NXPH2: variants seen among roughly 807,000 people sequenced by gnomAD.
NXPH2 encodes the protein neurexophilin 2, also known as neurexophilin-2.
NXPH2 carries 5 observed loss-of-function variants against 19.8 expected under a neutral mutation model. The observed-to-expected ratio is 0.25, with a 90% CI of 0.13 to 0.53. The LOEUF (loss-of-function observed/expected upper bound fraction) is 0.53, where lower values mean the gene tolerates loss of function less well. Among genes scored for constraint, NXPH2 ranks in the 20% least tolerant of loss-of-function variants. NXPH2 has a pLI of 0.96. For synonymous variants in NXPH2, 154 were observed against 127.4 expected (o/e 1.21, Z -1.41); for missense variants, 289 against 322.8 (o/e 0.90, Z 0.80).
At chr2:138,758,428 G>A (rs1012100823) in intron 1 of NXPH2, among the ~76,000 whole-genome samples, 12 of 152,230 alleles carry the variant, frequency 7.9e-5, no homozygotes, top group African/African-American at 2.9e-4. Flanking sequence ...TTACAGGGAA[G>A]TAATTGAGCT....
intron 1 of NXPH2, among the ~76,000 whole-genome samples, chr2:138,769,855 T>C (rs1682148095): frequency 6.6e-6 from 1 of 152,078 alleles, no homozygotes; most frequent in African/African-American, 2.4e-5. Flanking sequence ...AGAAAGAAAA[T>C]GAAGGCACTC....
intron 1 of NXPH2, among the ~76,000 whole-genome samples, chr2:138,762,550 A>T (rs543188326): frequency 1.3e-5 from 2 of 152,312 alleles, no homozygotes; most frequent in Non-Finnish European, 2.9e-5. Context: ...TGCCTTCACC[A>T]TATCAATTCT....
At chr2:138,711,145 C>CTTT (rs397766605) in intron 1 of NXPH2, among the ~76,000 whole-genome samples, 16 of 91,066 alleles carry the variant, frequency 1.8e-4, no homozygotes, top group African/African-American at 6.4e-4. Flanking sequence ...ATTTCTATCA[C>CTTT]TTTTTTTTTT....
At chr2:138,694,310 C>T (rs553046470) in intron 1 of NXPH2, among the ~76,000 whole-genome samples, 3 of 152,212 alleles carry the variant, frequency 2.0e-5, no homozygotes, top group South Asian at 2.1e-4. Context: ...ATCCTAACCC[C>T]GGGTACCTGT....
intron 1 of NXPH2, among the ~76,000 whole-genome samples, chr2:138,752,671 C>A (rs1041923068): frequency 6.6e-6 from 1 of 152,102 alleles, no homozygotes; most frequent in Non-Finnish European, 1.5e-5. Context: ...TCCTAAGGTC[C>A]TTTTCCTGTT....
At chr2:138,762,402 C>T (rs1047434423) in intron 1 of NXPH2, among the ~76,000 whole-genome samples, 3 of 152,168 alleles carry the variant, frequency 2.0e-5, no homozygotes, top group African/African-American at 7.2e-5. Context: ...CCACTGCTAG[C>T]ACTAATATAA....
chr2:138,766,240 A>G (rs187186221), intron 1 of NXPH2, among the ~76,000 whole-genome samples: 65 of 152,330 alleles, frequency 4.3e-4, no homozygotes, highest in Non-Finnish European at 6.9e-4. Context: ...TTGAGAAAGA[A>G]ACTAGATCTA....
rs149312412 is a variant in NXPH2 at position 138,739,974 on chromosome 2, A to G, written c.51+40217T>C. Among the ~76,000 whole-genome samples, 385 of 152,274 alleles carry G rather than the reference A, an allele frequency of 2.5e-3. 6 individuals are homozygous for G. The highest frequency in any genetic ancestry group is 8.9e-3 in the African/African-American group (371 of 41,568). On this transcript the variant is annotated intron_variant, in intron 1 of 1. Coordinates refer to ENST00000272641, the MANE Select transcript of NXPH2 (RefSeq NM_007226.3). ...TATATAGACTTTGAATTGTTCCCAT[A>G]ATAGCTGTGGTAATTTTGCCCTCAT...
intron 1 of NXPH2, among the ~76,000 whole-genome samples, chr2:138,721,426 T>A (rs1191213682): frequency 6.6e-6 from 1 of 151,838 alleles, no homozygotes; most frequent in Non-Finnish European, 1.5e-5. Context: ...AAAGAGTCTA[T>A]ATGCTAGGTC....
At chr2:138,706,834 A>T (rs1681022438) in intron 1 of NXPH2, among the ~76,000 whole-genome samples, 1 of 151,820 alleles carries the variant, frequency 6.6e-6, no homozygotes, top group Non-Finnish European at 1.5e-5. Context: ...GCCCAGGTGG[A>T]TGAGGCTATA....
chr2:138,760,182 C>G (rs888280706), intron 1 of NXPH2, among the ~76,000 whole-genome samples: 1 of 152,160 alleles, frequency 6.6e-6, no homozygotes. Flanking sequence ...CCCAACTCTA[C>G]ATCAGACAAA....
intron 1 of NXPH2, among the ~76,000 whole-genome samples, chr2:138,736,006 C>A (rs1681532729): frequency 6.6e-6 from 1 of 152,240 alleles, no homozygotes; most frequent in African/African-American, 2.4e-5. Flanking sequence ...TTCCCATTGT[C>A]TTGGGCAGTT....
intron 1 of NXPH2, among the ~76,000 whole-genome samples, chr2:138,690,596 AC>A (rs1680732666): frequency 6.6e-6 from 1 of 151,834 alleles, no homozygotes; most frequent in African/African-American, 2.4e-5. Flanking sequence ...AAAAAAAAAA[AC>A]AAAACTCAGA....
rs112360772 is a variant in NXPH2, at chr2:138,764,041, A to G, written c.51+16150T>C. ...TTCACTTGAGCTAAGTGAAATACAC[A>G]AAGATGTGCACCCACAACTACAATA... On this transcript the variant is annotated intron_variant, in intron 1 of 1. Coordinates refer to ENST00000272641, the MANE Select transcript of NXPH2 (RefSeq NM_007226.3). Among the ~76,000 whole-genome samples, 168 of 152,312 alleles carry G rather than the reference A, an allele frequency of 1.1e-3. 2 individuals are homozygous for G. Among genetic ancestry groups the G allele is most frequent in the African/African-American group, 3.9e-3 (163 of 41,560 alleles).
chr2:138,747,748 C>T (rs1261840800), intron 1 of NXPH2, among the ~76,000 whole-genome samples: 2 of 152,186 alleles, frequency 1.3e-5, no homozygotes, highest in Non-Finnish European at 2.9e-5. Flanking sequence ...GGAGTCCCCT[C>T]TCTTCTTGAA....
chr2:138,685,500 A>T (rs542894785), intron 1 of NXPH2, among the ~76,000 whole-genome samples: 75 of 152,338 alleles, frequency 4.9e-4, no homozygotes, highest in African/African-American at 1.7e-3. Context: ...AACTCAATTT[A>T]AGTTGAAGAT....
At chr2:138,726,649 G>T (rs566407323) in intron 1 of NXPH2, among the ~76,000 whole-genome samples, 1 of 151,964 alleles carries the variant, frequency 6.6e-6, no homozygotes, top group African/African-American at 2.4e-5. Context: ...TTATAGAGCA[G>T]TTTTGAGTTT....
At chr2:138,767,913 T>C (rs1280508006) in intron 1 of NXPH2, among the ~76,000 whole-genome samples, 2 of 152,180 alleles carry the variant, frequency 1.3e-5, no homozygotes, top group Non-Finnish European at 2.9e-5. Context: ...ATTTTGGTTT[T>C]TTTGCTCTCT....
At chr2:138,731,745 A>C (rs943860707) in intron 1 of NXPH2, among the ~76,000 whole-genome samples, 2 of 152,192 alleles carry the variant, frequency 1.3e-5, no homozygotes, top group Non-Finnish European at 2.9e-5. Context: ...ACCCAAGATC[A>C]GCATTCATTT....
Sources: allele counts gnomAD v4.1 joint callset (sites outside exome capture counted in the v4.1 genomes callset), GRCh38; gene constraint gnomAD v4.1.1; transcripts MANE v1.5; gene names NCBI Gene and HGNC (gene_info 2026-07-23, HGNC 2026-07-21).